Variants in XIRP2 observed in about 807,000 individuals in gnomAD.
The protein encoded by XIRP2 is xin actin-binding repeat-containing protein 2.
A neutral mutation model predicts 277.0 loss-of-function variants in XIRP2; 236 were observed. That is an observed-to-expected ratio of 0.85 (90% CI 0.77 to 0.95). XIRP2 has a LOEUF of 0.95. Among genes scored for constraint, XIRP2 ranks in the 40% least tolerant of loss-of-function variants. The probability of loss-of-function intolerance (pLI) is 0.00; values close to 1 mark genes in which losing one functional copy is unlikely to be tolerated. For synonymous variants in XIRP2, 1,490 were observed against 1,416.5 expected, an observed-to-expected ratio of 1.05 and a Z score of -1.17; for missense variants, 4,640 against 4,157.5, an observed-to-expected ratio of 1.12 and a Z score of -3.19.
At chr2:167,088,006 G>T (rs547512275) in intron 2 of XIRP2, among the ~76,000 whole-genome samples, 2 of 152,120 alleles carry the variant, frequency 1.3e-5, no homozygotes, top group Non-Finnish European at 2.9e-5. Flanking sequence ...TTACATAAAA[G>T]ATGATAAGTT....
intron 3 of XIRP2, 55 bp downstream of exon 3, chr2:167,136,117 T>A: frequency 2.1e-6 from 3 of 1,444,012 alleles, no homozygotes; most frequent in Non-Finnish European, 2.7e-6. Flanking sequence ...ACAACATGAG[T>A]GGTTAATAAA....
chr2:167,015,910 ATTAAG>A (rs1687815628), intron 2 of XIRP2, among the ~76,000 whole-genome samples: 2 of 151,638 alleles, frequency 1.3e-5, no homozygotes, highest in South Asian at 4.2e-4. Context: ...TTTTATATAA[ATTAAG>A]TTACCATATC....
intron 2 of XIRP2, among the ~76,000 whole-genome samples, chr2:167,062,240 T>C (rs1316793216): frequency 6.6e-6 from 1 of 152,184 alleles, no homozygotes; most frequent in Non-Finnish European, 1.5e-5. Context: ...ACGGTGGGAA[T>C]ACCTACACCA....
intron 3 of XIRP2, among the ~76,000 whole-genome samples, chr2:167,171,997 G>A (rs529387069): frequency 1.4e-4 from 22 of 152,216 alleles, no homozygotes; most frequent in East Asian, 5.8e-4. Context: ...ACAGGCATGC[G>A]ATGCGTAGTA....
intron 2 of XIRP2, among the ~76,000 whole-genome samples, chr2:167,020,943 C>T (rs1182051914): frequency 6.6e-6 from 1 of 152,002 alleles, no homozygotes; most frequent in Non-Finnish European, 1.5e-5. Context: ...ATCTGCTATT[C>T]CAGTGGTCTT....
intron 2 of XIRP2, among the ~76,000 whole-genome samples, chr2:166,958,969 T>C (rs58059370): frequency 0.097 from 14,722 of 151,748 alleles, 870 homozygotes; most frequent in East Asian, 0.3. Flanking sequence ...TAGCACAGAC[T>C]CCTCTGCCTT....
intron 2 of XIRP2, among the ~76,000 whole-genome samples, chr2:166,978,902 C>G (rs1686789479): frequency 6.6e-6 from 1 of 152,100 alleles, no homozygotes; most frequent in Non-Finnish European, 1.5e-5. Context: ...ATCCCTGAGA[C>G]TGCAGTGATC....
intron 5 of XIRP2, among the ~76,000 whole-genome samples, chr2:167,239,589 G>A (rs931640652): frequency 6.6e-6 from 1 of 152,162 alleles, no homozygotes; most frequent in Non-Finnish European, 1.5e-5. Context: ...GTCCCCTCCA[G>A]CCTGCAGAAC....
intron 2 of XIRP2, among the ~76,000 whole-genome samples, chr2:167,106,903 T>G (rs910917606): frequency 6.6e-6 from 1 of 151,290 alleles, no homozygotes; most frequent in Admixed American, 6.6e-5. Context: ...TATTTACGTG[T>G]ATTTTGTTTT....
chr2:166,913,769 A>G (rs566378119), intron 2 of XIRP2, among the ~76,000 whole-genome samples: 4 of 152,202 alleles, frequency 2.6e-5, no homozygotes, highest in Non-Finnish European at 2.9e-5. Context: ...TTTTGCAAAC[A>G]CTCTCCCACA....
In XIRP2 at chr2:167,251,347, G is replaced by C; in HGVS notation, c.9955G>C (p.Val3319Leu). Residue 3319 changes from valine to leucine, a missense_variant, in exon 9 of 11, where the codon GTT becomes CTT. By Grantham distance (32) the Val-to-Leu change is conservative. Coordinates refer to ENST00000409195, the MANE Select transcript of XIRP2 (RefSeq NM_152381.6). ...TQRYEAANRT[V>L]QMAENFVNDP... ...GAGATATGAAGCGGCCAACCGAACT[G>C]TTCAAATGGCTGAAAATTTCGTGAA... 2 of 1,613,552 alleles carry C rather than the reference G, an allele frequency of 1.2e-6. No individual in the cohort carries two copies. The highest frequency in any genetic ancestry group is 1.7e-6 in the Non-Finnish European group (2 of 1,179,678).
At chr2:166,960,624 T>C (rs765246480) in intron 2 of XIRP2, among the ~76,000 whole-genome samples, 15 of 151,762 alleles carry the variant, frequency 9.9e-5, no homozygotes, top group Non-Finnish European at 1.9e-4. Context: ...CAATGTGTAT[T>C]ATAAGGGGTA....
intron 2 of XIRP2, among the ~76,000 whole-genome samples, chr2:166,929,496 T>C (rs944000958): frequency 5.9e-5 from 9 of 152,136 alleles, no homozygotes; most frequent in Non-Finnish European, 1.3e-4. Flanking sequence ...GGTTGACAGG[T>C]GTCTGTACCA....
At chr2:167,254,959 TC>T (rs1030364400) in intron 10 of XIRP2, among the ~76,000 whole-genome samples, 1 of 151,718 alleles carries the variant, frequency 6.6e-6, no homozygotes, top group African/African-American at 2.4e-5. Context: ...CTATATTTTT[TC>T]TGACTTTAAT....
chr2:167,192,518 A>G (rs562343954), intron 3 of XIRP2, among the ~76,000 whole-genome samples: 11 of 152,268 alleles, frequency 7.2e-5, no homozygotes, highest in African/African-American at 2.6e-4. Flanking sequence ...AAAGCTAAAG[A>G]TTACTCTTTG....
intron 2 of XIRP2, among the ~76,000 whole-genome samples, chr2:167,015,532 G>C (rs1052723731): frequency 2.6e-5 from 4 of 151,540 alleles, no homozygotes; most frequent in African/African-American, 9.7e-5. Flanking sequence ...TGAAGGAATT[G>C]AGTTTGATAG....
intron 2 of XIRP2, among the ~76,000 whole-genome samples, chr2:166,981,084 A>G (rs940771741): frequency 2.6e-5 from 4 of 152,060 alleles, no homozygotes; most frequent in Admixed American, 6.5e-5. Flanking sequence ...TGTTATATTT[A>G]TGTATATTTT....
At position 167,259,656 on chromosome 2, in the gene XIRP2, G is replaced by A; in HGVS notation, c.*1839G>A. 2 of 276,626 alleles carry A rather than the reference G, an allele frequency of 7.2e-6. No homozygotes were observed. The highest frequency in any genetic ancestry group is 5.0e-5 in the Admixed American group (1 of 19,914). The allele number at this position is 276,626 out of a possible 1,614,324, so 17.1% of individuals were successfully genotyped here. On this transcript the variant is annotated 3_prime_UTR_variant, in exon 11 of 11. Coordinates refer to ENST00000409195, the MANE Select transcript of XIRP2 (RefSeq NM_152381.6). ...TTCTGTTTTCCTGTAAAACATCATG[G>A]GTGTGATTTTTATACTGCTGCTGCT...
At chr2:167,180,967 T>C (rs1404503018) in intron 3 of XIRP2, among the ~76,000 whole-genome samples, 1 of 152,250 alleles carries the variant, frequency 6.6e-6, no homozygotes, top group East Asian at 1.9e-4. Flanking sequence ...TTATGACTTC[T>C]ATCCTATACC....
Sources: allele counts gnomAD v4.1 joint callset (sites outside exome capture counted in the v4.1 genomes callset), GRCh38; gene constraint gnomAD v4.1.1; transcripts MANE v1.5; gene names NCBI Gene and HGNC (gene_info 2026-07-23, HGNC 2026-07-21).